The following ZNF292 variants were observed in gnomAD, a reference collection of about 807,000 sequenced individuals.
The protein encoded by ZNF292 is 16 zinc-finger domain protein.
Under a neutral mutation model 217.9 loss-of-function variants are expected in ZNF292, and 26 were observed. The observed-to-expected ratio is 0.12, with a 90% CI of 0.09 to 0.17. ZNF292 has a LOEUF of 0.17. Among genes scored for constraint, ZNF292 ranks in the 10% least tolerant of loss-of-function variants. The pLI is 1.00. For missense variants in ZNF292, 2,904 were observed against 3,175.2 expected, an observed-to-expected ratio of 0.91 and a Z score of 2.05; for synonymous variants, 1,257 against 1,124.1, an observed-to-expected ratio of 1.12 and a Z score of -2.37.
chr6:87,161,028 T>C (rs900600632), intron 1 of ZNF292, among the ~76,000 whole-genome samples: 13 of 152,266 alleles, frequency 8.5e-5, no homozygotes, highest in South Asian at 2.1e-4. Flanking sequence ...TCCAGAAATA[T>C]ACTTTATTTG....
chr6:87,194,496 G>A (rs1347373022), intron 1 of ZNF292, among the ~76,000 whole-genome samples: 1 of 152,088 alleles, frequency 6.6e-6, no homozygotes, highest in Non-Finnish European at 1.5e-5. Flanking sequence ...GCAGAAGTAG[G>A]CAAAATCAGG....
At chr6:87,191,331 A>C (rs1450866280) in intron 1 of ZNF292, among the ~76,000 whole-genome samples, 1 of 152,212 alleles carries the variant, frequency 6.6e-6, no homozygotes, top group Non-Finnish European at 1.5e-5. Flanking sequence ...GAAAATTTAC[A>C]AATTTCTGTT....
chr6:87,219,941 C>T (rs1246059583), intron 4 of ZNF292, among the ~76,000 whole-genome samples: 1 of 152,196 alleles, frequency 6.6e-6, no homozygotes, highest in African/African-American at 2.4e-5. Context: ...TCCTTTCAGC[C>T]TCCTGAGTAG....
chr6:87,240,322 G>A (rs1336242333), intron 5 of ZNF292, among the ~76,000 whole-genome samples: 1 of 151,036 alleles, frequency 6.6e-6, no homozygotes, highest in Non-Finnish European at 1.5e-5. Context: ...GCTTCAGCTC[G>A]GCATCAGAGG....
Position 87,265,532 on chromosome 6 carries a change from T to C in ZNF292, c.*3731T>C, listed in dbSNP as rs1255769094. Among the ~76,000 whole-genome samples, 4 of 152,216 alleles carry C rather than the reference T, an allele frequency of 2.6e-5. No individual in the cohort carries two copies. Among genetic ancestry groups the C allele is most frequent in the Non-Finnish European group, 5.9e-5 (4 of 68,038 alleles). On this transcript the variant is annotated 3_prime_UTR_variant, in exon 8 of 8. Transcript: ENST00000369577. ...ACCACACCCAGCCTCTCTTAAATAA[T>C]TTAATGCATGTTTGCATATTAAAGA...
At chr6:87,242,086 ATGTC>A (rs1482356497) in intron 5 of ZNF292, among the ~76,000 whole-genome samples, 6 of 152,186 alleles carry the variant, frequency 3.9e-5, no homozygotes, top group African/African-American at 7.2e-5. Context: ...TATATATAAA[ATGTC>A]TGACAGTGTG....
chr6:87,238,903 C>G (rs1215795048), intron 5 of ZNF292, among the ~76,000 whole-genome samples: 1 of 151,942 alleles, frequency 6.6e-6, no homozygotes, highest in Non-Finnish European at 1.5e-5. Flanking sequence ...ATGCTGCCTT[C>G]AAGCATCTGT....
chr6:87,191,619 T>C (rs986237489), intron 1 of ZNF292, among the ~76,000 whole-genome samples: 1 of 152,236 alleles, frequency 6.6e-6, no homozygotes, highest in Non-Finnish European at 1.5e-5. Context: ...ACACTTGTTT[T>C]TGAAGCTTTA....
chr6:87,160,198 A>G (rs535654629), intron 1 of ZNF292, among the ~76,000 whole-genome samples: 1 of 152,350 alleles, frequency 6.6e-6, no homozygotes, highest in South Asian at 2.1e-4. Flanking sequence ...CACTGAGGTG[A>G]GTACAGTAAA....
chr6:87,187,796 A>G (rs553368442), intron 1 of ZNF292, among the ~76,000 whole-genome samples: 25 of 151,814 alleles, frequency 1.6e-4, no homozygotes, highest in African/African-American at 6.0e-4. Context: ...TGTGTTTACT[A>G]CTTAGCTGTT....
intron 1 of ZNF292, among the ~76,000 whole-genome samples, chr6:87,190,993 T>C (rs1377527089): frequency 2.0e-5 from 3 of 152,202 alleles, no homozygotes; most frequent in Admixed American, 6.5e-5. Flanking sequence ...TCCTATGCAT[T>C]CACACAAATA....
In ZNF292 at chr6:87,257,178, G is replaced by A. The variant is rs1258837574; in HGVS notation, c.3549G>A (p.Gln1183=). 3 of 1,613,750 alleles carry A rather than the reference G, an allele frequency of 1.9e-6. No homozygotes were observed. Among genetic ancestry groups the A allele is most frequent in the South Asian group, 2.2e-5 (2 of 91,078 alleles). ...ATGGGAATCCTGCTTGTTCGGCCCA[G>A]TTGCAGCATGTCTCGCCACCCATTT... ...KANGNPACSA[Q]LQHVSPPIFP... is the part of the protein sequence containing the mutation. The change falls in exon 8 of 8, where the codon CAG becomes CAA. Residue 1183 remains glutamine, a synonymous_variant. Transcript: ENST00000369577.
At chr6:87,189,078 G>A (rs893718380) in intron 1 of ZNF292, among the ~76,000 whole-genome samples, 5 of 151,890 alleles carry the variant, frequency 3.3e-5, no homozygotes, top group African/African-American at 7.3e-5. Flanking sequence ...GGTGGCGAGC[G>A]CCTGTAATTG....
chr6:87,224,725 T>TA (rs1773254460), intron 4 of ZNF292, among the ~76,000 whole-genome samples: 1 of 152,184 alleles, frequency 6.6e-6, no homozygotes, highest in African/African-American at 2.4e-5. Context: ...ATTCACCTGT[T>TA]AAAGGTGAAT....
chr6:87,228,544 C>T (rs949292742), intron 4 of ZNF292, among the ~76,000 whole-genome samples: 5 of 152,212 alleles, frequency 3.3e-5, no homozygotes, highest in African/African-American at 9.6e-5. Context: ...GTTTCTTCTA[C>T]GAGTTCTGTA....
chr6:87,234,660 T>C (rs917863862), intron 5 of ZNF292, among the ~76,000 whole-genome samples: 6 of 152,052 alleles, frequency 3.9e-5, no homozygotes, highest in African/African-American at 1.4e-4. Context: ...TAATAACATA[T>C]CCTTTGACTC....
chr6:87,192,627 A>G (rs1771850680), intron 1 of ZNF292, among the ~76,000 whole-genome samples: 1 of 152,228 alleles, frequency 6.6e-6, no homozygotes, highest in Non-Finnish European at 1.5e-5. Flanking sequence ...AGACATAGAT[A>G]CATCCACACA....
At chr6:87,167,732 A>C (rs901370345) in intron 1 of ZNF292, among the ~76,000 whole-genome samples, 25 of 152,186 alleles carry the variant, frequency 1.6e-4, no homozygotes, top group African/African-American at 6.0e-4. Context: ...TGAAATTATG[A>C]GATTGAGGAG....
intron 1 of ZNF292, among the ~76,000 whole-genome samples, chr6:87,199,948 A>G (rs891007797): frequency 2.1e-4 from 32 of 152,236 alleles, no homozygotes; most frequent in African/African-American, 7.2e-4. Context: ...GTGTGTGCCA[A>G]CTGGCCCATG....
Sources: allele counts gnomAD v4.1 joint callset (sites outside exome capture counted in the v4.1 genomes callset), GRCh38; gene constraint gnomAD v4.1.1; transcripts MANE v1.5; gene names NCBI Gene and HGNC (gene_info 2026-07-23, HGNC 2026-07-21).